GPATCH3: variants seen among roughly 807,000 people sequenced by gnomAD.
GPATCH3 encodes G-patch domain containing 3.
GPATCH3 carries 45 observed loss-of-function variants against 53.2 expected under a neutral mutation model. The observed-to-expected ratio is 0.85, with a 90% CI of 0.67 to 1.08. The LOEUF (loss-of-function observed/expected upper bound fraction) is 1.08. Among genes scored for constraint, GPATCH3 ranks in the 50% least tolerant of loss-of-function variants. GPATCH3 has a pLI of 0.00. For synonymous variants in GPATCH3, 280 were observed against 270.6 expected (o/e 1.03, Z -0.34); for missense variants, 680 against 687.2 (o/e 0.99, Z 0.12).
chr1:26,894,415 A>G lies in GPATCH3; in HGVS notation c.877-5T>C. Reference sequence around the variant, plus strand: ...TTCCTCACCCCGGTCATCGTCCTAAAAGGCAGGGAGAGGTGATTTGCCTGA... The same window carrying G: ...TTCCTCACCCCGGTCATCGTCCTAAGAGGCAGGGAGAGGTGATTTGCCTGA... On this transcript the variant is annotated splice_polypyrimidine_tract_variant and splice_region_variant and intron_variant, in intron 2 of 6. Coordinates refer to ENST00000361720, the MANE Select transcript of GPATCH3 (RefSeq NM_022078.3). The G allele has an allele frequency of 6.2e-7, 1 of 1,613,548 alleles. No homozygotes were observed. Among genetic ancestry groups the G allele is most frequent in the Non-Finnish European group, 8.5e-7 (1 of 1,179,654 alleles).
Position 26,891,108 on chromosome 1 carries a change from G to A in GPATCH3, c.1480C>T (p.Leu494Phe). 1 of 1,614,164 alleles carries A rather than the reference G, an allele frequency of 6.2e-7. No homozygotes were observed. Reference sequence around the variant, plus strand: ...ATGCTGGTGGGTGGCTGGCGGCGGAGCAGTGACTCCGTCTGGTCTTGGGGT... The same window carrying A: ...ATGCTGGTGGGTGGCTGGCGGCGGAACAGTGACTCCGTCTGGTCTTGGGGT... ...PLPQDQTESL[L>F]RRQPPTSMKF... The change falls in exon 7 of 7, where the codon CTC becomes TTC. Residue 494 changes from leucine (L) to phenylalanine (F), a missense_variant. By Grantham distance (22) the Leu-to-Phe change is conservative. Coordinates refer to ENST00000361720, the MANE Select transcript of GPATCH3 (RefSeq NM_022078.3).
chr1:26,893,494 A>G, intron 3 of GPATCH3, 46 bp from the exon 4 acceptor site: 1 of 1,273,950 alleles, frequency 7.8e-7, no homozygotes, highest in South Asian at 1.2e-5. Context: ...AAGGACTCTC[A>G]GTTCTATTAA....
intron 4 of GPATCH3, 100 bp downstream of exon 4, chr1:26,893,289 G>T: frequency 1.0e-6 from 1 of 957,826 alleles, no homozygotes; most frequent in Non-Finnish European, 1.7e-6. Context: ...AAGGGAACGG[G>T]AACGGTACCC....
intron 4 of GPATCH3, 48 bp downstream of exon 4, chr1:26,893,341 G>T: frequency 2.1e-6 from 3 of 1,449,306 alleles, no homozygotes; most frequent in Non-Finnish European, 2.9e-6. Flanking sequence ...TCACTGCAAG[G>T]CCAGGGCACC....
At chr1:26,899,712 C>T (rs1243332528) in intron 1 of GPATCH3, among the ~76,000 whole-genome samples, 1 of 152,134 alleles carries the variant, frequency 6.6e-6, no homozygotes, top group Non-Finnish European at 1.5e-5. Flanking sequence ...ACTGGATTTC[C>T]TTTTTTCTTT....
intron 6 of GPATCH3, among the ~76,000 whole-genome samples, chr1:26,891,614 T>C (rs1216374922): frequency 1.3e-5 from 2 of 152,156 alleles, no homozygotes; most frequent in Non-Finnish European, 2.9e-5. Context: ...TGGCGTGATC[T>C]CGGCTCACTG....
In GPATCH3 at chr1:26,897,736, A is replaced by G. The variant is rs775813036; in HGVS notation, c.452-11T>C. 1.3e-6 allele frequency: 2 copies of G among 1,585,336 alleles called. No individual in the cohort carries two copies. Among genetic ancestry groups the G allele is most frequent in the South Asian group, 2.3e-5 (2 of 87,116 alleles). ...GAAAGGAGCCCAGACCTTGGAAAGG[A>G]GGGAGAATAGATCTTGAAACCCAGA... On this transcript the variant is annotated splice_polypyrimidine_tract_variant and intron_variant, in intron 1 of 6. Coordinates refer to ENST00000361720, the MANE Select transcript of GPATCH3 (RefSeq NM_022078.3).
Position 26,900,303 on chromosome 1 carries a change from A to C in GPATCH3, c.140T>G (p.Phe47Cys). ...CCGCTCAGGCCGATGCCGGTAGTGG[A>C]AACAGAGGAAGCCACCGCCGCGCTC... ...REERGGGFLC[F>C]HYRHRPERAP... The change falls in exon 1 of 7, where the codon TTC becomes TGC. Residue 47 changes from phenylalanine (F) to cysteine (C), a missense_variant. Phe to Cys is a radical substitution (Grantham distance 205). Transcript: ENST00000361720. 1 of 1,613,964 alleles carries C rather than the reference A, an allele frequency of 6.2e-7. No individual in the cohort carries two copies. Among genetic ancestry groups the C allele is most frequent in the Non-Finnish European group, 8.5e-7 (1 of 1,179,984 alleles).
At chr1:26,893,321 TG>T in intron 4 of GPATCH3, 67 bp downstream of exon 4, 1 of 1,229,574 alleles carries the variant, frequency 8.1e-7, no homozygotes, top group Non-Finnish European at 1.2e-6. Context: ...TTGCTAGCTC[TG>T]GTAAAGTGTC....
At chr1:26,895,360 AC>A (rs1166585560) in intron 2 of GPATCH3, among the ~76,000 whole-genome samples, 4 of 151,960 alleles carry the variant, frequency 2.6e-5, no homozygotes, top group Admixed American at 2.6e-4. Context: ...CCCTATCTCT[AC>A]AAAAAATACA....
rs191276480 is a variant in GPATCH3, at chr1:26,895,642, G to A, written c.877-1232C>T. On this transcript the variant is annotated intron_variant, in intron 2 of 6. Coordinates refer to ENST00000361720, the MANE Select transcript of GPATCH3 (RefSeq NM_022078.3). ...GATGTCTTAGCAATCTTGGCTGGGA[G>A]CTTTTTTTTTTTTGAGACAGAGTCT... Among the ~76,000 whole-genome samples, 136 of 150,530 alleles carry A rather than the reference G, an allele frequency of 9.0e-4. 1 individual carries two copies. Among genetic ancestry groups the A allele is most frequent in the African/African-American group, 3.0e-3 (125 of 41,114 alleles).
chr1:26,890,793 G>T lies in GPATCH3; in HGVS notation c.*217C>A, dbSNP rs371870061. 1.3e-6 allele frequency: 1 copy of T among 759,568 alleles called. No homozygotes were observed. Among genetic ancestry groups the T allele is most frequent in the Non-Finnish European group, 2.5e-6 (1 of 406,232 alleles). 47.1% of individuals were successfully genotyped at this position (759,568 alleles called of 1,614,324 possible). ...TTAGGGTTAGAGACCAAAGACAAGC[G>T]GTCGTTACCCCTAATATCCAAGGGG... On this transcript the variant is annotated 3_prime_UTR_variant, in exon 7 of 7. Coordinates refer to ENST00000361720, the MANE Select transcript of GPATCH3 (RefSeq NM_022078.3).
In GPATCH3 at chr1:26,892,905, C is replaced by G. The variant is rs1570698789; in HGVS notation, c.1112-114G>C. The G allele has an allele frequency of 8.4e-6, 11 of 1,306,012 alleles. No individual in the cohort carries two copies. The East Asian group carries it at 2.6e-4, about 30-fold the overall frequency. 80.9% of individuals were successfully genotyped at this position (1,306,012 alleles called of 1,614,324 possible). On this transcript the variant is annotated intron_variant, in intron 4 of 6. Coordinates refer to ENST00000361720, the MANE Select transcript of GPATCH3 (RefSeq NM_022078.3). ...TATTCATTTTAATAGTGTTCTGTATCTCTCTCATTAGACTGGGAGCTCCCC... is the reference window on the plus strand; with the variant it reads ...TATTCATTTTAATAGTGTTCTGTATGTCTCTCATTAGACTGGGAGCTCCCC...
rs755534565 is a variant in GPATCH3 at position 26,892,750 on chromosome 1, G to C, written c.1153C>G (p.Leu385Val). ...KDARDSVQMR[L>V]EQRLRDGQED... ...TGTCCATCTCGGAGTCTCTGTTCCA[G>C]ACGCATTTGGACAGAGTCTCGGGCA... is the stretch of plus-strand genomic sequence containing the variant. The change falls in exon 5 of 7, where the codon CTG (leucine) becomes GTG (valine). Residue 385 changes from leucine (L) to valine (V), a missense_variant. By Grantham distance (32) the Leu-to-Val change is conservative. Coordinates refer to ENST00000361720, the MANE Select transcript of GPATCH3 (RefSeq NM_022078.3). 4.3e-6 allele frequency: 7 copies of C among 1,614,062 alleles called. No homozygotes were observed. The highest frequency in any genetic ancestry group is 5.9e-6 in the Non-Finnish European group (7 of 1,180,022).
At chr1:26,893,679 C>T (rs897587876) in intron 3 of GPATCH3, among the ~76,000 whole-genome samples, 1 of 151,962 alleles carries the variant, frequency 6.6e-6, no homozygotes, top group Non-Finnish European at 1.5e-5. Context: ...TGCCACCATA[C>T]CCAGCTAATT....
Position 26,900,348 on chromosome 1 carries a change from T to C in GPATCH3, c.95A>G (p.Tyr32Cys), listed in dbSNP as rs2081970551. The change falls in exon 1 of 7, where the codon TAT (tyrosine) becomes TGT (cysteine). Residue 32 changes from tyrosine (Y) to cysteine (C), a missense_variant. Coordinates refer to ENST00000361720, the MANE Select transcript of GPATCH3 (RefSeq NM_022078.3). ...GCGCTCTTCTCGGAACTGGCTAAAA[T>C]AGCTCCGTAAATGGGCCGAGCGCAA... ...SVLRSAHLRS[Y>C]FSQFREERGG... 6.2e-7 allele frequency: 1 copy of C among 1,613,998 alleles called. No individual in the cohort carries two copies. Among genetic ancestry groups the C allele is most frequent in the Non-Finnish European group, 8.5e-7 (1 of 1,180,020 alleles).
At chr1:26,894,630 T>C (rs1052681198) in intron 2 of GPATCH3, among the ~76,000 whole-genome samples, 2 of 152,156 alleles carry the variant, frequency 1.3e-5, no homozygotes, top group African/African-American at 4.8e-5. Flanking sequence ...CTCTGCGCGT[T>C]TGGCCATGTT....
At chr1:26,894,492 G>T in intron 2 of GPATCH3, 82 bp from the exon 3 acceptor site, 1 of 1,355,010 alleles carries the variant, frequency 7.4e-7, no homozygotes, top group Non-Finnish European at 1.0e-6. Flanking sequence ...CAGGAGGCAT[G>T]TGTGGCTAGC....
intron 2 of GPATCH3, among the ~76,000 whole-genome samples, chr1:26,896,010 C>A (rs2081949338): frequency 6.6e-6 from 1 of 152,178 alleles, no homozygotes. Context: ...ACAAATCACA[C>A]CTTACTTGAT....
Sources: allele counts gnomAD v4.1 joint callset (sites outside exome capture counted in the v4.1 genomes callset), GRCh38; gene constraint gnomAD v4.1.1; transcripts MANE v1.5; gene names NCBI Gene and HGNC (gene_info 2026-07-23, HGNC 2026-07-21).